SGF29: variants seen among roughly 807,000 people sequenced by gnomAD.
The protein encoded by SGF29 is SAGA-associated factor 29.
In SGF29, 15 loss-of-function variants were observed where a neutral mutation model predicts 38.1. The ratio of observed to expected loss-of-function variants is 0.39; its 90% CI spans 0.26 to 0.61. SGF29 has a LOEUF of 0.61. SGF29 is among the 20% of genes least tolerant of loss of function. The probability of loss-of-function intolerance (pLI) is 0.49; values close to 1 mark genes in which losing one functional copy is unlikely to be tolerated. For missense variants in SGF29, 184 were observed against 394.6 expected, an observed-to-expected ratio of 0.47 and a Z score of 4.52; for synonymous variants, 151 against 160.8, an observed-to-expected ratio of 0.94 and a Z score of 0.46.
At chr16:28,563,212 G>A (rs1333491715) in intron 1 of SGF29, among the ~76,000 whole-genome samples, 1 of 152,140 alleles carries the variant, frequency 6.6e-6, no homozygotes, top group East Asian at 1.9e-4. Flanking sequence ...ACTGTTGGTA[G>A]CCAAGGAGGC....
chr16:28,581,087 C>T lies in SGF29; in HGVS notation c.18C>T (p.Ala6=), dbSNP rs765992711. ...TGTAGACAATGGCCCTCGTGTCTGC[C>T]GATTCCCGCATTGCAGAACTTCTCA... is the stretch of plus-strand genomic sequence containing the variant. The part of the protein sequence containing the change: MALVS[A]DSRIAELLTE... The change falls in exon 2 of 10, where the codon GCC becomes GCT. Residue 6 remains alanine (A), a synonymous_variant. Transcript: ENST00000317058. The T allele has an allele frequency of 4.3e-6, 7 of 1,613,848 alleles. No individual in the cohort carries two copies. The highest frequency in any genetic ancestry group is 4.0e-5 in the African/African-American group (3 of 74,876).
chr16:28,583,582 C>T (rs569585375), intron 2 of SGF29, among the ~76,000 whole-genome samples: 2 of 152,316 alleles, frequency 1.3e-5, no homozygotes, highest in South Asian at 2.1e-4. Context: ...GTCATAATTT[C>T]TTTCTTAGGA....
chr16:28,581,223 G>A, intron 2 of SGF29, 79 bp downstream of exon 2: 1 of 1,363,264 alleles, frequency 7.3e-7, no homozygotes, highest in Non-Finnish European at 1.0e-6. Context: ...TGGCATTTGT[G>A]TTCAGAGAGA....
intron 1 of SGF29, among the ~76,000 whole-genome samples, chr16:28,562,451 G>A (rs2046795787): frequency 6.6e-6 from 1 of 152,118 alleles, no homozygotes. Context: ...GGCAGGTGGC[G>A]TACTTCATTT....
At chr16:28,564,608 TATATATACATATATGC>T in intron 1 of SGF29, among the ~76,000 whole-genome samples, 1 of 126,834 alleles carries the variant, frequency 7.9e-6, no homozygotes, top group Admixed American at 8.8e-5. Flanking sequence ...TATATGTGTA[TATATATACATATATGC>T]ATATATATAC....
At chr16:28,583,391 C>A (rs2046937855) in intron 2 of SGF29, among the ~76,000 whole-genome samples, 1 of 152,166 alleles carries the variant, frequency 6.6e-6, no homozygotes, top group African/African-American at 2.4e-5. Context: ...TATCCCCCCC[C>A]AACCCCAATC....
intron 1 of SGF29, among the ~76,000 whole-genome samples, chr16:28,560,961 A>C (rs2046784810): frequency 1.3e-5 from 1 of 79,848 alleles, no homozygotes. Flanking sequence ...ACTCTGTCTC[A>C]AAAAAAAAAA....
At chr16:28,582,132 C>T (rs926144178) in intron 2 of SGF29, among the ~76,000 whole-genome samples, 1 of 152,126 alleles carries the variant, frequency 6.6e-6, no homozygotes, top group Non-Finnish European at 1.5e-5. Context: ...GAAATTCCTT[C>T]CCAAATGGTA....
intron 1 of SGF29, among the ~76,000 whole-genome samples, chr16:28,576,821 A>G (rs1161037652): frequency 6.6e-6 from 1 of 152,184 alleles, no homozygotes. Context: ...ATGAACTGAC[A>G]TGTAAAATAT....
At position 28,555,814 on chromosome 16, in the gene SGF29, C is replaced by G. The variant is rs1170176426; in HGVS notation, c.-16+1717C>G. On this transcript the variant is annotated intron_variant, in intron 1 of 9. Coordinates refer to ENST00000317058, the MANE Select transcript of SGF29 (RefSeq NM_138414.3). ...CTCAATCATCATTTTACTGGTGATA[C>G]TTTGAGTGTTGTCATAATAGCCTAA... is the stretch of plus-strand genomic sequence containing the variant. Among the ~76,000 whole-genome samples the G allele has an allele frequency of 2.0e-5, 3 of 152,192 alleles. No homozygotes were observed. In the South Asian group the frequency reaches 6.2e-4, roughly 31 times the overall value.
intron 4 of SGF29, chr16:28,588,536 G>A (rs1471436044): frequency 4.9e-6 from 2 of 404,048 alleles, no homozygotes; most frequent in Non-Finnish European, 9.5e-6. Flanking sequence ...ATGTTCTTAA[G>A]ACTAAAAGAC....
rs977811594 is a variant in SGF29 at position 28,553,958 on chromosome 16, C to A, written c.-155C>A. 6.6e-6 allele frequency: 1 copy of A among 152,104 alleles called. No homozygotes were observed. The highest frequency in any genetic ancestry group is 1.5e-5 in the Non-Finnish European group (1 of 68,026). The allele number at this position is 152,104 out of a possible 1,614,324, so 9.4% of individuals were successfully genotyped here. On this transcript the variant is annotated 5_prime_UTR_variant, in exon 1 of 10. Transcript: ENST00000317058. Reference sequence around the variant, plus strand: ...CTACGCTCATAAAAGGAAAAAAAAGCGTGTGCGGTTCTCGACGTGCCGCCA... The same window carrying A: ...CTACGCTCATAAAAGGAAAAAAAAGAGTGTGCGGTTCTCGACGTGCCGCCA...
intron 1 of SGF29, among the ~76,000 whole-genome samples, chr16:28,555,192 G>C (rs1290138141): frequency 1.3e-5 from 2 of 152,116 alleles, no homozygotes; most frequent in African/African-American, 2.4e-5. Context: ...GGCCAGGCGC[G>C]GTGGCTCATG....
intron 1 of SGF29, among the ~76,000 whole-genome samples, chr16:28,580,555 G>A (rs2046919157): frequency 6.6e-6 from 1 of 151,928 alleles, no homozygotes. Flanking sequence ...TGTGTGTCTG[G>A]ATTAAGGGCA....
intron 1 of SGF29, among the ~76,000 whole-genome samples, chr16:28,571,913 T>C (rs1187104929): frequency 2.0e-5 from 3 of 152,234 alleles, no homozygotes; most frequent in Non-Finnish European, 2.9e-5. Flanking sequence ...TGAGAGCTTC[T>C]AGTCTGTTGG....
At chr16:28,555,880 A>G (rs1026211010) in intron 1 of SGF29, among the ~76,000 whole-genome samples, 3 of 152,204 alleles carry the variant, frequency 2.0e-5, no homozygotes, top group African/African-American at 7.2e-5. Context: ...CTCTTTTACT[A>G]TTGAATATGC....
chr16:28,580,363 AT>A (rs1279515151), intron 1 of SGF29, among the ~76,000 whole-genome samples: 1 of 152,192 alleles, frequency 6.6e-6, no homozygotes, highest in African/African-American at 2.4e-5. Context: ...TCTAGGGGCC[AT>A]AATTCCAAAA....
chr16:28,578,684 TAAA>T (rs11300836), intron 1 of SGF29, among the ~76,000 whole-genome samples: 26 of 138,912 alleles, frequency 1.9e-4, no homozygotes, highest in Non-Finnish European at 2.0e-4. Context: ...TGAACAACTT[TAAA>T]AAAAAAAAAA....
At chr16:28,554,352 G>A (rs559097580) in intron 1 of SGF29, among the ~76,000 whole-genome samples, 1 of 152,106 alleles carries the variant, frequency 6.6e-6, no homozygotes, top group African/African-American at 2.4e-5. Context: ...TCCCCGGCGA[G>A]GGTGGGAAAC....
Sources: gnomAD v4.1 joint callset for allele counts (sites outside exome capture counted in the v4.1 genomes callset) on GRCh38, gnomAD v4.1.1 for gene constraint, MANE v1.5 for transcripts, NCBI Gene and HGNC (gene_info 2026-07-23, HGNC 2026-07-21) for gene names.